Variants in SEC24A observed in about 807,000 individuals in gnomAD.
SEC24A encodes protein transport protein Sec24A.
Under a neutral mutation model 129.4 loss-of-function variants are expected in SEC24A, and 93 were observed. That is an observed-to-expected ratio of 0.72 (90% CI 0.61 to 0.85). SEC24A has a LOEUF of 0.85. SEC24A is among the 40% of genes least tolerant of loss of function. SEC24A has a pLI of 0.00. For missense variants in SEC24A, 1,264 were observed against 1,307.4 expected (o/e 0.97, Z 0.51); for synonymous variants, 460 against 467.3 (o/e 0.98, Z 0.20).
chr5:134,676,224 C>A lies in SEC24A; in HGVS notation c.1254+99C>A, dbSNP rs1751056866. 5.3e-6 allele frequency: 4 copies of A among 754,632 alleles called. No individual in the cohort carries two copies. In the South Asian group the frequency reaches 7.9e-5, roughly 15 times the overall value. The allele number at this position is 754,632 out of a possible 1,614,324, so 46.7% of individuals were successfully genotyped here. The stretch of plus-strand genomic sequence containing the variant: ...ACGCAGTCTCAGCTTATTGCAACCT[C>A]TGCCCTCCATGTTCAAGTGATTTTC... On this transcript the variant is annotated intron_variant, in intron 7 of 22. Transcript: ENST00000398844.
intron 17 of SEC24A, among the ~76,000 whole-genome samples, chr5:134,706,513 T>A (rs918025629): frequency 6.6e-6 from 1 of 152,180 alleles, no homozygotes; most frequent in Non-Finnish European, 1.5e-5. Flanking sequence ...TTTCTTTTGT[T>A]TTTGAAAACA....
chr5:134,711,799 G>A (rs1228916706), intron 18 of SEC24A, among the ~76,000 whole-genome samples: 2 of 151,752 alleles, frequency 1.3e-5, no homozygotes, highest in Admixed American at 1.3e-4. Context: ...CCAGGCTGGA[G>A]TGCAGTGGCG....
intron 3 of SEC24A, 116 bp downstream of exon 3, chr5:134,667,112 G>GT: frequency 1.2e-6 from 1 of 864,682 alleles, no homozygotes; most frequent in South Asian, 2.1e-5. Flanking sequence ...TCTAGTTTTG[G>GT]TTAGGGATGG....
In SEC24A at chr5:134,648,946, C is replaced by A; in HGVS notation, c.-131C>A. 1 of 618,452 alleles carries A rather than the reference C, an allele frequency of 1.6e-6. No individual in the cohort carries two copies. Among genetic ancestry groups the A allele is most frequent in the Non-Finnish European group, 2.8e-6 (1 of 354,782 alleles). The allele number at this position is 618,452 out of a possible 1,614,324, so 38.3% of individuals were successfully genotyped here. A position where few individuals can be genotyped will look rare whatever the true frequency, so the allele number is the denominator to read the frequency against. ...GCGGCGCCATGCCTCGGGCTTAATG[C>A]GCCCCCCCCTCTTCTCCCAGTCTTC... On this transcript the variant is annotated 5_prime_UTR_variant, in exon 1 of 23. Transcript: ENST00000398844.
intron 18 of SEC24A, among the ~76,000 whole-genome samples, chr5:134,709,193 A>G (rs1292256808): frequency 6.6e-6 from 1 of 152,154 alleles, no homozygotes; most frequent in Non-Finnish European, 1.5e-5. Context: ...CTTGGGTGAC[A>G]GAGCCAGACT....
Position 134,705,404 on chromosome 5 carries a change from G to C in SEC24A, c.2518G>C (p.Val840Leu), listed in dbSNP as rs772893749. 6 of 1,612,988 alleles carry C rather than the reference G, an allele frequency of 3.7e-6. No homozygotes were observed. The Admixed American group carries it at 1.0e-4, about 27-fold the overall frequency. Reference sequence around the variant, plus strand: ...GAATGATGTCTTTCTTGGAGCTGATGTTCAAGCAATTTCAGGGTTATTGGC... The same window carrying C: ...GAATGATGTCTTTCTTGGAGCTGATCTTCAAGCAATTTCAGGGTTATTGGC... ...TLNDVFLGAD[V>L]QAISGLLANM... Residue 840 changes from valine (V) to leucine (L), a missense_variant, in exon 17 of 23, where the codon GTT becomes CTT. Val to Leu is a conservative substitution (Grantham distance 32). Coordinates refer to ENST00000398844, the MANE Select transcript of SEC24A (RefSeq NM_021982.3).
At chr5:134,694,523 G>A (rs1277312422) in intron 13 of SEC24A, among the ~76,000 whole-genome samples, 2 of 152,090 alleles carry the variant, frequency 1.3e-5, no homozygotes, top group Non-Finnish European at 2.9e-5. Context: ...GGCGGGCGCT[G>A]TAATCCCAGC....
At chr5:134,677,828 T>C (rs1253333053) in intron 7 of SEC24A, among the ~76,000 whole-genome samples, 1 of 149,124 alleles carries the variant, frequency 6.7e-6, no homozygotes, top group African/African-American at 2.5e-5. Context: ...AGAGTGAGAC[T>C]GTCTCAAAAA....
Position 134,715,089 on chromosome 5 carries a change from A to G in SEC24A, c.2793A>G (p.Lys931=). 2 of 1,612,594 alleles carry G rather than the reference A, an allele frequency of 1.2e-6. No homozygotes were observed. Among genetic ancestry groups the G allele is most frequent in the Non-Finnish European group, 1.7e-6 (2 of 1,179,640 alleles). The stretch of plus-strand genomic sequence containing the variant: ...GCATTTTTGCTATGTGTCAAGTGAA[A>G]AACCAGCCCTTGGTTTACCTTATGC... ...DERIFAMCQV[K]NQPLVYLMLT... is the part of the protein sequence containing the mutation. The change falls in exon 19 of 23, where the codon AAA becomes AAG. Residue 931 remains lysine, a synonymous_variant. Coordinates refer to ENST00000398844, the MANE Select transcript of SEC24A (RefSeq NM_021982.3).
intron 18 of SEC24A, among the ~76,000 whole-genome samples, chr5:134,711,783 T>C (rs1329707174): frequency 6.6e-6 from 1 of 151,800 alleles, no homozygotes; most frequent in African/African-American, 2.4e-5. Context: ...AGTCTCGCTG[T>C]GTCGCCCAGG....
Position 134,675,054 on chromosome 5 carries a change from G to C in SEC24A, c.988G>C (p.Gly330Arg), listed in dbSNP as rs1751010374. ...AATTATGTATCTGTAGACTCCCTTA[G>C]GTGCTAATCATTTAACCACAAGCAT... ...GPQAFTQTPL[G>R]ANHLTTSMSG... Residue 330 changes from glycine (G) to arginine (R), a missense_variant, in exon 6 of 23, where the codon GGT (glycine) becomes CGT (arginine). Coordinates refer to ENST00000398844, the MANE Select transcript of SEC24A (RefSeq NM_021982.3). 1.3e-6 allele frequency: 2 copies of C among 1,598,558 alleles called. No individual in the cohort carries two copies. Among genetic ancestry groups the C allele is most frequent in the Admixed American group, 1.7e-5 (1 of 59,044 alleles).
chr5:134,689,750 T>A (rs2150094201), intron 11 of SEC24A, among the ~76,000 whole-genome samples: 1 of 145,962 alleles, frequency 6.9e-6, no homozygotes, highest in Non-Finnish European at 1.5e-5. Context: ...GACGACAGAG[T>A]GAGACTCCAT....
chr5:134,682,815 C>T (rs1023728340), intron 9 of SEC24A, among the ~76,000 whole-genome samples: 2 of 152,190 alleles, frequency 1.3e-5, no homozygotes, highest in Non-Finnish European at 2.9e-5. Flanking sequence ...GATCTGCCCA[C>T]CTTGGCCTCC....
rs545452728 is a variant in SEC24A at position 134,649,476 on chromosome 5, GT to G, written c.97+306del. On this transcript the variant is annotated intron_variant, in intron 1 of 22. Transcript: ENST00000398844. Reference sequence around the variant, plus strand: ...AAAACTCGAATATAAGGATCATAGTGTTTGTGTGCCTTCGCCTTCCTTGCCA... The same window carrying G: ...AAAACTCGAATATAAGGATCATAGTGTTGTGTGCCTTCGCCTTCCTTGCCA... 1.8e-3 allele frequency among the ~76,000 whole-genome samples: 268 copies of G among 152,272 alleles called. 4 individuals are homozygous for G. Among genetic ancestry groups the G allele is most frequent in the Admixed American group, 0.016 (242 of 15,278 alleles).
chr5:134,657,913 A>G (rs751904603), intron 1 of SEC24A, among the ~76,000 whole-genome samples: 3 of 152,216 alleles, frequency 2.0e-5, no homozygotes, highest in Non-Finnish European at 4.4e-5. Context: ...TGCAAACACA[A>G]AACTAGATGT....
At chr5:134,683,360 C>T (rs1371531732) in intron 9 of SEC24A, among the ~76,000 whole-genome samples, 1 of 151,904 alleles carries the variant, frequency 6.6e-6, no homozygotes, top group Admixed American at 6.6e-5. Context: ...TTTTTTTTCC[C>T]TATTGCTTCA....
Position 134,696,777 on chromosome 5 carries a change from C to T in SEC24A, c.1987-349C>T, listed in dbSNP as rs374379368. On this transcript the variant is annotated intron_variant, in intron 13 of 22. Transcript: ENST00000398844. ...CCTCCCAAAGTGCTGGGATTACAGG[C>T]GTGAGCCACCGCACCCGGCCATTTT... Among the ~76,000 whole-genome samples the T allele has an allele frequency of 7.3e-5, 11 of 151,524 alleles. No individual in the cohort carries two copies. In the East Asian group the frequency reaches 1.7e-3, roughly 24 times the overall value.
chr5:134,686,857 G>T lies in SEC24A; in HGVS notation c.1559G>T (p.Gly520Val). Reference sequence around the variant, plus strand: ...GTGTCTCACAATGCAGTCGAAACTGGATACTTGAATTCAGTTTGCCAGAGT... The same window carrying T: ...GTGTCTCACAATGCAGTCGAAACTGTATACTTGAATTCAGTTTGCCAGAGT... Reference protein sequence around the residue: ...FDVSHNAVETGYLNSVCQSLL... With the variant: ...FDVSHNAVETVYLNSVCQSLL... Residue 520 changes from glycine to valine, a missense_variant, in exon 10 of 23, where the codon GGA becomes GTA. By Grantham distance (109) the Gly-to-Val change is moderately radical (BLOSUM62 -3). Coordinates refer to ENST00000398844, the MANE Select transcript of SEC24A (RefSeq NM_021982.3). 6.2e-7 allele frequency: 1 copy of T among 1,610,850 alleles called. No individual in the cohort carries two copies. Among genetic ancestry groups the T allele is most frequent in the Non-Finnish European group, 8.5e-7 (1 of 1,178,250 alleles).
intron 13 of SEC24A, 28 bp downstream of exon 13, chr5:134,693,961 G>C (rs1478221087): frequency 1.3e-6 from 2 of 1,569,900 alleles, no homozygotes; most frequent in South Asian, 2.2e-5. Context: ...TGTCTGATAA[G>C]GTTTATGCTG....
Sources: gnomAD v4.1 joint callset for allele counts (sites outside exome capture counted in the v4.1 genomes callset) on GRCh38, gnomAD v4.1.1 for gene constraint, MANE v1.5 for transcripts, NCBI Gene and HGNC (gene_info 2026-07-23, HGNC 2026-07-21) for gene names.